Variants in RDX observed in about 807,000 individuals in gnomAD.
RDX encodes deafness, autosomal recessive 24.
RDX carries 32 observed loss-of-function variants against 83.7 expected under a neutral mutation model. The observed-to-expected ratio is 0.38, with a 90% CI of 0.29 to 0.51. RDX has a LOEUF of 0.51. Ranked by LOEUF, RDX falls within the 20% of genes least tolerant of loss-of-function variation. The pLI is 0.87. For synonymous variants in RDX, 229 were observed against 222.7 expected (o/e 1.03, Z -0.25); for missense variants, 600 against 689.9 (o/e 0.87, Z 1.46).
At chr11:110,197,249 C>T (rs566219805) in intron 15 of RDX, among the ~76,000 whole-genome samples, 10 of 152,282 alleles carry the variant, frequency 6.6e-5, no homozygotes, top group Admixed American at 4.6e-4. Context: ...CACCATAATC[C>T]TACAGGCCCC....
At chr11:110,218,123 G>A (rs1318288894) in intron 14 of RDX, among the ~76,000 whole-genome samples, 2 of 152,194 alleles carry the variant, frequency 1.3e-5, no homozygotes, top group African/African-American at 4.8e-5. Flanking sequence ...CAGGGGTATG[G>A]AGTGGGGCTC....
intron 15 of RDX, chr11:110,185,629 T>C (rs1476152010): frequency 1.3e-5 from 2 of 152,190 alleles, no homozygotes; most frequent in Non-Finnish European, 2.9e-5. Flanking sequence ...GCTAAATCCA[T>C]TGAGAAACAA....
intron 6 of RDX, 38 bp from the exon 7 acceptor site, chr11:110,257,951 G>C (rs1234514583): frequency 6.3e-7 from 1 of 1,593,742 alleles, no homozygotes; most frequent in Non-Finnish European, 8.6e-7. Flanking sequence ...ATTTAAGTAG[G>C]AGCATATCAA....
Position 110,248,069 on chromosome 11 carries a change from G to C in RDX, c.960-236C>G, listed in dbSNP as rs10128644. Reference sequence around the variant, plus strand: ...AAGACAGAGTAATATAATCGACTTTGGTGACTTGAGAAGCAATGGTTGGGA... The same window carrying C: ...AAGACAGAGTAATATAATCGACTTTCGTGACTTGAGAAGCAATGGTTGGGA... On this transcript the variant is annotated intron_variant, in intron 9 of 13. Transcript: ENST00000645495. Among the ~76,000 whole-genome samples the C allele has an allele frequency of 0.045, 6,880 of 152,106 alleles. 524 individuals carry two copies. Among genetic ancestry groups the C allele is most frequent in the African/African-American group, 0.16 (6,535 of 41,466 alleles).
chr11:110,225,342 C>T (rs547960499), downstream of RDX, among the ~76,000 whole-genome samples: 55 of 152,048 alleles, frequency 3.6e-4, no homozygotes, highest in East Asian at 3.9e-3. Flanking sequence ...AACTCATATC[C>T]GAAAAGGAAT....
chr11:110,285,712 C>CAAA (rs35030078), intron 1 of RDX, among the ~76,000 whole-genome samples: 774 of 73,384 alleles, frequency 0.011, 2 homozygotes, highest in Non-Finnish European at 0.012. Context: ...GACTTTGTCT[C>CAAA]AAAAAAAAAA....
At chr11:110,196,736 T>C (rs1863221204) in intron 15 of RDX, among the ~76,000 whole-genome samples, 1 of 151,784 alleles carries the variant, frequency 6.6e-6, no homozygotes, top group African/African-American at 2.4e-5. Context: ...TAAAATCAGC[T>C]CAGAGCCTCA....
intron 9 of RDX, among the ~76,000 whole-genome samples, chr11:110,248,318 A>C (rs1052705452): frequency 2.0e-4 from 31 of 152,350 alleles, no homozygotes; most frequent in African/African-American, 5.3e-4. Flanking sequence ...AAATATTTTA[A>C]CAGGGTTTTC....
chr11:110,266,450 A>T (rs1252636677), intron 3 of RDX, among the ~76,000 whole-genome samples: 2 of 152,276 alleles, frequency 1.3e-5, no homozygotes, highest in Non-Finnish European at 2.9e-5. Flanking sequence ...TATTTAAAAT[A>T]AAATGAGGAA....
intron 9 of RDX, 148 bp downstream of exon 9, chr11:110,253,798 G>A: frequency 1.4e-6 from 1 of 719,734 alleles, no homozygotes; most frequent in South Asian, 1.7e-5. Flanking sequence ...TCGTTTTAAA[G>A]GACAGAGTGA....
chr11:110,177,562 TCTCA>T (rs890615449), intron 15 of RDX, among the ~76,000 whole-genome samples: 1 of 152,154 alleles, frequency 6.6e-6, no homozygotes, highest in African/African-American at 2.4e-5. Context: ...TCTGAATAGA[TCTCA>T]CTTTCATCAC....
chr11:110,214,248 C>G (rs1483255960), intron 14 of RDX, among the ~76,000 whole-genome samples: 2 of 146,318 alleles, frequency 1.4e-5, no homozygotes, highest in East Asian at 2.0e-4. Context: ...AAATGCTCAT[C>G]ATCACTGGCC....
chr11:110,225,941 C>T (rs188824469), downstream of RDX, among the ~76,000 whole-genome samples: 5 of 151,780 alleles, frequency 3.3e-5, no homozygotes, highest in Non-Finnish European at 4.4e-5. Context: ...TGATGCATGC[C>T]TGTAATCCTA....
chr11:110,280,643 C>CGT (rs1232933006), intron 1 of RDX, among the ~76,000 whole-genome samples: 1 of 152,230 alleles, frequency 6.6e-6, no homozygotes, highest in Non-Finnish European at 1.5e-5. Context: ...GCTCTGCACA[C>CGT]TAACAACCTG....
In RDX at chr11:110,210,182, G is replaced by A. The variant is rs1436876823; in HGVS notation, c.1749-10504C>T. ...CTGAAAACCAAGGCTCGAGAACTAC[G>A]TGAAGAATGCAGAAGCCTCAGGAGC... On this transcript the variant is annotated intron_variant, in intron 14 of 15. Transcript: ENST00000528498. 3.9e-5 allele frequency among the ~76,000 whole-genome samples: 5 copies of A among 127,570 alleles called. No homozygotes were observed. The South Asian group carries it at 8.0e-4, about 21-fold the overall frequency. The allele number at this position is 127,570 out of a possible 152,430, so 83.7% of individuals were successfully genotyped here.
chr11:110,233,886 C>T lies in RDX; in HGVS notation c.1345-407G>A, dbSNP rs112276708. Among the ~76,000 whole-genome samples, 147 of 152,172 alleles carry T rather than the reference C, an allele frequency of 9.7e-4. 1 individual carries two copies. The highest frequency in any genetic ancestry group is 3.2e-3 in the African/African-American group (134 of 41,524). ...ACAAGGGGAAAATGTAACCGAATAA[C>T]GGAGGAATGAGACTGTCGTTACTCA... On this transcript the variant is annotated intron_variant, in intron 12 of 13. Coordinates refer to ENST00000645495, the MANE Select transcript of RDX (RefSeq NM_002906.4).
downstream of RDX, among the ~76,000 whole-genome samples, chr11:110,229,028 CTG>C (rs1320072633): frequency 6.6e-6 from 1 of 151,824 alleles, no homozygotes; most frequent in Non-Finnish European, 1.5e-5. Flanking sequence ...TTTATAGTAA[CTG>C]TTCTATAATA....
At chr11:110,245,879 T>G (rs896489603) in intron 10 of RDX, among the ~76,000 whole-genome samples, 1 of 152,230 alleles carries the variant, frequency 6.6e-6, no homozygotes, top group Admixed American at 6.5e-5. Context: ...TTTATCTTCT[T>G]GAAGATGGAA....
At chr11:110,177,524 T>C (rs932218319) in intron 15 of RDX, among the ~76,000 whole-genome samples, 12 of 152,196 alleles carry the variant, frequency 7.9e-5, no homozygotes, top group Non-Finnish European at 1.5e-4. Context: ...AGAGGACATA[T>C]GCAGCCCCCC....
Sources: allele counts gnomAD v4.1 joint callset (sites outside exome capture counted in the v4.1 genomes callset), GRCh38; gene constraint gnomAD v4.1.1; transcripts MANE v1.5; gene names NCBI Gene and HGNC (gene_info 2026-07-23, HGNC 2026-07-21).